NSMCE2: variants seen among roughly 807,000 people sequenced by gnomAD.
The protein encoded by NSMCE2 is E3 SUMO-protein ligase NSE2.
In NSMCE2, 24 loss-of-function variants were observed where a neutral mutation model predicts 23.8. The ratio of observed to expected loss-of-function variants is 1.01; its 90% confidence interval spans 0.73 to 1.42. The LOEUF is 1.42. NSMCE2 is among the 40% of genes most tolerant of loss of function. NSMCE2 has a pLI of 0.00. For synonymous variants in NSMCE2, 92 were observed against 94.1 expected, an observed-to-expected ratio of 0.98 and a Z score of 0.13; for missense variants, 284 against 296.5, an observed-to-expected ratio of 0.96 and a Z score of 0.31.
chr8:125,173,332 GAGA>G (rs1208116584), intron 4 of NSMCE2, among the ~76,000 whole-genome samples: 1 of 152,200 alleles, frequency 6.6e-6, no homozygotes, highest in Non-Finnish European at 1.5e-5. Context: ...TGAGGGGGAG[GAGA>G]AGATGTGTAA....
intron 5 of NSMCE2, among the ~76,000 whole-genome samples, chr8:125,222,174 T>C (rs944509614): frequency 1.3e-5 from 2 of 152,062 alleles, no homozygotes; most frequent in Non-Finnish European, 2.9e-5. Context: ...ATATTAATCA[T>C]ATGCTTTTTA....
At chr8:125,240,965 C>T (rs951298951) in intron 5 of NSMCE2, among the ~76,000 whole-genome samples, 3 of 152,160 alleles carry the variant, frequency 2.0e-5, no homozygotes, top group African/African-American at 7.2e-5. Context: ...TTAGCAGCTT[C>T]CATGGTCACT....
chr8:125,154,861 C>T (rs2130698500), intron 4 of NSMCE2, among the ~76,000 whole-genome samples: 1 of 152,306 alleles, frequency 6.6e-6, no homozygotes, highest in Non-Finnish European at 1.5e-5. Context: ...CACTAGACTT[C>T]TGATGACCTG....
At chr8:125,311,748 T>C (rs1164107809) in intron 5 of NSMCE2, among the ~76,000 whole-genome samples, 1 of 152,156 alleles carries the variant, frequency 6.6e-6, no homozygotes, top group Non-Finnish European at 1.5e-5. Flanking sequence ...CATGTGAACC[T>C]AAATGGTGAA....
At chr8:125,176,462 T>G (rs1449210421) in intron 4 of NSMCE2, among the ~76,000 whole-genome samples, 1 of 152,224 alleles carries the variant, frequency 6.6e-6, no homozygotes, top group Non-Finnish European at 1.5e-5. Flanking sequence ...CTTGGTCCTT[T>G]TTTTTGTTTC....
intron 5 of NSMCE2, among the ~76,000 whole-genome samples, chr8:125,344,545 C>A (rs1239344586): frequency 6.6e-6 from 1 of 152,044 alleles, no homozygotes; most frequent in Admixed American, 6.5e-5. Flanking sequence ...GAGTTTGAGA[C>A]CAGCCTGGCC....
intron 3 of NSMCE2, among the ~76,000 whole-genome samples, chr8:125,144,115 T>C (rs1820532952): frequency 6.6e-6 from 1 of 152,178 alleles, no homozygotes; most frequent in Non-Finnish European, 1.5e-5. Flanking sequence ...CCTGGGGTTG[T>C]TGAGGGATCT....
At position 125,333,998 on chromosome 8, in the gene NSMCE2, C is replaced by T. The variant is rs555629020; in HGVS notation, c.419-23221C>T. 2.6e-4 allele frequency among the ~76,000 whole-genome samples: 39 copies of T among 152,254 alleles called. 1 individual carries two copies. Among genetic ancestry groups the T allele is most frequent in the Middle Eastern group, 6.8e-3 (2 of 294 alleles). On this transcript the variant is annotated intron_variant, in intron 5 of 7. Coordinates refer to ENST00000287437, the MANE Select transcript of NSMCE2 (RefSeq NM_173685.4). ...TCAGTGCAGGTTTTTTTCCACTACT[C>T]CTTCATGCTCCTGGGTCTGCCGTGG...
intron 3 of NSMCE2, among the ~76,000 whole-genome samples, chr8:125,133,656 A>G (rs1333183599): frequency 6.6e-6 from 1 of 152,018 alleles, no homozygotes; most frequent in African/African-American, 2.4e-5. Flanking sequence ...AGGCAGGAGA[A>G]TTGCTTGAAC....
chr8:125,091,888 C>A lies in NSMCE2; in HGVS notation c.-181C>A, dbSNP rs76575464. 0.074 allele frequency: 11,335 copies of A among 152,438 alleles called. 650 individuals are homozygous for A. The highest frequency in any genetic ancestry group is 0.17 in the African/African-American group (6,905 of 41,536). 9.4% of individuals were successfully genotyped at this position (152,438 alleles called of 1,614,324 possible). A position where few individuals can be genotyped will look rare whatever the true frequency, so the allele number is the denominator to read the frequency against. On this transcript the variant is annotated 5_prime_UTR_variant, in exon 1 of 8. The change creates a new upstream start codon in the 5' untranslated region. Coordinates refer to ENST00000287437, the MANE Select transcript of NSMCE2 (RefSeq NM_173685.4). ...ACTTTTCAGCGGCAGGCGAAGGGGG[C>A]TGAGGAAAGGAGGTGGGTCTAGGCA...
chr8:125,271,925 C>T (rs1249947183), intron 5 of NSMCE2, among the ~76,000 whole-genome samples: 1 of 151,824 alleles, frequency 6.6e-6, no homozygotes, highest in Non-Finnish European at 1.5e-5. Flanking sequence ...CTCCGTTTTT[C>T]AGGTGGGAAA....
chr8:125,153,733 A>G (rs190059458), intron 4 of NSMCE2, among the ~76,000 whole-genome samples: 114 of 152,338 alleles, frequency 7.5e-4, no homozygotes, highest in African/African-American at 2.6e-3. Context: ...TATTTCACAG[A>G]ATGATTATGT....
intron 5 of NSMCE2, among the ~76,000 whole-genome samples, chr8:125,292,356 A>C (rs1409045795): frequency 6.6e-6 from 1 of 152,150 alleles, no homozygotes; most frequent in African/African-American, 2.4e-5. Context: ...GGAGTTCAAG[A>C]CCAGCCTGGC....
At chr8:125,277,229 C>G (rs907341559) in intron 5 of NSMCE2, among the ~76,000 whole-genome samples, 1 of 152,122 alleles carries the variant, frequency 6.6e-6, no homozygotes, top group African/African-American at 2.4e-5. Context: ...TATCAACCAT[C>G]CTTTTCCTCA....
intron 5 of NSMCE2, among the ~76,000 whole-genome samples, chr8:125,227,953 C>T (rs981870191): frequency 1.3e-5 from 2 of 152,120 alleles, no homozygotes; most frequent in Non-Finnish European, 2.9e-5. Flanking sequence ...TCATGTTATG[C>T]ATGTGCCATT....
intron 5 of NSMCE2, among the ~76,000 whole-genome samples, chr8:125,233,871 G>T (rs1825430652): frequency 6.6e-6 from 1 of 151,910 alleles, no homozygotes; most frequent in African/African-American, 2.4e-5. Flanking sequence ...GATCCCTATT[G>T]ATTATTTATT....
intron 1 of NSMCE2, among the ~76,000 whole-genome samples, chr8:125,096,956 C>A (rs1435533068): frequency 6.6e-6 from 1 of 152,076 alleles, no homozygotes; most frequent in African/African-American, 2.4e-5. Flanking sequence ...ATAACTTTCT[C>A]ATATGCTTGG....
chr8:125,093,197 A>G (rs769695317), intron 1 of NSMCE2, among the ~76,000 whole-genome samples: 2 of 152,316 alleles, frequency 1.3e-5, no homozygotes, highest in Non-Finnish European at 2.9e-5. Flanking sequence ...GTGTCCTCAC[A>G]TGGTGGAATG....
intron 3 of NSMCE2, among the ~76,000 whole-genome samples, chr8:125,122,359 G>A (rs1373235771): frequency 6.6e-6 from 1 of 151,958 alleles, no homozygotes; most frequent in Non-Finnish European, 1.5e-5. Context: ...AAAGCATCTG[G>A]CATTTGCTTC....
Sources: allele counts gnomAD v4.1 joint callset (sites outside exome capture counted in the v4.1 genomes callset), GRCh38; gene constraint gnomAD v4.1.1; transcripts MANE v1.5; gene names NCBI Gene and HGNC (gene_info 2026-07-23, HGNC 2026-07-21).